Variants in ZMIZ1 observed in about 807,000 individuals in gnomAD.
ZMIZ1 encodes the protein zinc finger MIZ domain-containing protein 1.
In ZMIZ1, 17 loss-of-function variants were observed where a neutral mutation model predicts 113.9. The ratio of observed to expected loss-of-function variants is 0.15; its 90% CI spans 0.10 to 0.22. The LOEUF is 0.22. Ranked by LOEUF, ZMIZ1 falls within the 10% of genes least tolerant of loss-of-function variation. The pLI is 1.00. For synonymous variants in ZMIZ1, 607 were observed against 603.1 expected (o/e 1.01, Z -0.09); for missense variants, 1,059 against 1,477.8 (o/e 0.72, Z 4.65).
At chr10:79,243,808 G>T (rs1210496609) in intron 7 of ZMIZ1, 1 of 180,522 alleles carries the variant, frequency 5.5e-6, no homozygotes, top group Non-Finnish European at 1.2e-5. Flanking sequence ...CTCCGGGCGC[G>T]GGGGTGAGTG....
chr10:79,114,506 C>CGTGT (rs57304757), intron 1 of ZMIZ1, among the ~76,000 whole-genome samples: 22,313 of 92,058 alleles, frequency 0.24, 2,849 homozygotes, highest in Non-Finnish European at 0.3. Context: ...TGTGTGTGTG[C>CGTGT]GTGTGTGTGT....
intron 6 of ZMIZ1, among the ~76,000 whole-genome samples, chr10:79,214,169 G>A (rs76087804): frequency 0.16 from 23,749 of 152,056 alleles, 2,009 homozygotes; most frequent in Admixed American, 0.2. Flanking sequence ...AGGCCATAAA[G>A]AGTTAGGGAC....
intron 3 of ZMIZ1, among the ~76,000 whole-genome samples, chr10:79,155,020 A>G (rs1300399424): frequency 3.9e-5 from 6 of 152,154 alleles, no homozygotes; most frequent in Admixed American, 2.0e-4. Context: ...GACTCTTAGT[A>G]TCCCCCATTT....
intron 1 of ZMIZ1, among the ~76,000 whole-genome samples, chr10:79,112,305 G>A (rs1843777769): frequency 1.3e-5 from 2 of 152,190 alleles, no homozygotes; most frequent in South Asian, 4.1e-4. Context: ...CTCTGCACGG[G>A]TCCTGCACCT....
chr10:79,311,397 C>G (rs1326757243), intron 24 of ZMIZ1, among the ~76,000 whole-genome samples: 2 of 152,188 alleles, frequency 1.3e-5, no homozygotes, highest in African/African-American at 2.4e-5. Flanking sequence ...TCCTGTCCCC[C>G]CAGTCCCTTT....
At chr10:79,198,990 C>T (rs12357180) in intron 4 of ZMIZ1, among the ~76,000 whole-genome samples, 4,311 of 151,288 alleles carry the variant, frequency 0.028, 106 homozygotes, top group South Asian at 0.15. Context: ...GCCAAGATCA[C>T]GCCATTGCAC....
At chr10:79,209,969 C>T (rs1848471796) in intron 6 of ZMIZ1, among the ~76,000 whole-genome samples, 1 of 152,244 alleles carries the variant, frequency 6.6e-6, no homozygotes, top group South Asian at 2.1e-4. Flanking sequence ...CATCTGGCTC[C>T]CTCAGGCCAC....
intron 1 of ZMIZ1, among the ~76,000 whole-genome samples, chr10:79,115,617 G>A (rs918131565): frequency 6.6e-6 from 1 of 152,230 alleles, no homozygotes; most frequent in African/African-American, 2.4e-5. Flanking sequence ...ATCAGAGATC[G>A]TTGTGTCAGC....
At chr10:79,135,633 A>G (rs1216159972) in intron 2 of ZMIZ1, among the ~76,000 whole-genome samples, 1 of 152,114 alleles carries the variant, frequency 6.6e-6, no homozygotes, top group Non-Finnish European at 1.5e-5. Context: ...TGACAAGGCC[A>G]GGTGTTGTCT....
At chr10:79,291,218 C>G (rs752725890) in intron 10 of ZMIZ1, 42 bp downstream of exon 10, 1 of 1,542,316 alleles carries the variant, frequency 6.5e-7, no homozygotes, top group South Asian at 1.2e-5. Context: ...GGACGCCACC[C>G]CTCTTCCTCC....
At chr10:79,150,979 G>C (rs1227441166) in intron 3 of ZMIZ1, among the ~76,000 whole-genome samples, 2 of 152,092 alleles carry the variant, frequency 1.3e-5, no homozygotes, top group African/African-American at 4.8e-5. Flanking sequence ...GCCCACCTCA[G>C]TATCAGCAGG....
intron 4 of ZMIZ1, among the ~76,000 whole-genome samples, chr10:79,190,987 G>A (rs1847577492): frequency 6.6e-6 from 1 of 152,182 alleles, no homozygotes; most frequent in Admixed American, 6.5e-5. Flanking sequence ...CATCTCATGT[G>A]TTGGTACCAG....
intron 7 of ZMIZ1, among the ~76,000 whole-genome samples, chr10:79,232,775 A>C (rs1400328556): frequency 6.6e-6 from 1 of 152,184 alleles, no homozygotes; most frequent in Non-Finnish European, 1.5e-5. Flanking sequence ...ATTAAGGTGC[A>C]GGTGCGGAAG....
chr10:79,135,162 G>A (rs987379154), intron 2 of ZMIZ1, among the ~76,000 whole-genome samples: 6 of 152,194 alleles, frequency 3.9e-5, no homozygotes, highest in Non-Finnish European at 7.3e-5. Context: ...ATATGGACAC[G>A]GCTTACAGTA....
At chr10:79,092,465 C>T (rs764044507) in intron 1 of ZMIZ1, among the ~76,000 whole-genome samples, 4 of 152,256 alleles carry the variant, frequency 2.6e-5, no homozygotes, top group African/African-American at 4.8e-5. Context: ...ACCTAAGCCT[C>T]GCTGCACGCA....
chr10:79,251,535 T>G (rs1850556829), intron 7 of ZMIZ1, among the ~76,000 whole-genome samples: 1 of 152,114 alleles, frequency 6.6e-6, no homozygotes, highest in Non-Finnish European at 1.5e-5. Flanking sequence ...CCTCACCCCA[T>G]ACATCTGTTG....
At chr10:79,272,641 AGTT>A (rs1462490225) in intron 7 of ZMIZ1, among the ~76,000 whole-genome samples, 2 of 152,386 alleles carry the variant, frequency 1.3e-5, no homozygotes, top group South Asian at 2.1e-4. Flanking sequence ...CTCAGCAGCC[AGTT>A]GTTGAATGAA....
At chr10:79,075,075 C>T (rs1050857538) in intron 1 of ZMIZ1, among the ~76,000 whole-genome samples, 2 of 152,196 alleles carry the variant, frequency 1.3e-5, no homozygotes, top group Non-Finnish European at 2.9e-5. Flanking sequence ...TGAGGACAGA[C>T]GGTGGGGGGA....
chr10:79,218,936 G>A (rs1422299481), intron 7 of ZMIZ1, among the ~76,000 whole-genome samples: 2 of 152,070 alleles, frequency 1.3e-5, no homozygotes, highest in African/African-American at 2.4e-5. Flanking sequence ...AACATTCAGG[G>A]CCTGTCTTGG....
Sources: allele counts gnomAD v4.1 joint callset (sites outside exome capture counted in the v4.1 genomes callset), GRCh38; gene constraint gnomAD v4.1.1; transcripts MANE v1.5; gene names NCBI Gene and HGNC (gene_info 2026-07-23, HGNC 2026-07-21).